The following LARP1B variants were observed in gnomAD, a reference collection of about 807,000 sequenced individuals.
LARP1B encodes la-related protein 1B.
LARP1B carries 76 observed loss-of-function variants against 114.2 expected under a neutral mutation model. The observed-to-expected ratio is 0.67, with a 90% CI of 0.55 to 0.81. LARP1B has a LOEUF of 0.81. Ranked by LOEUF, LARP1B falls within the 30% of genes least tolerant of loss-of-function variation. The pLI, the probability that LARP1B is intolerant of heterozygous loss-of-function variation, is 0.00. For missense variants in LARP1B, 1,014 were observed against 1,075.8 expected (o/e 0.94, Z 0.80); for synonymous variants, 345 against 348.0 (o/e 0.99, Z 0.10).
intron 10 of LARP1B, among the ~76,000 whole-genome samples, chr4:128,119,773 C>T (rs1482780169): frequency 1.3e-5 from 2 of 152,154 alleles, no homozygotes; most frequent in Non-Finnish European, 2.9e-5. Flanking sequence ...TCCCGAAAGT[C>T]ATAAAAGTCT....
At chr4:128,108,542 C>T (rs1156669866) in intron 9 of LARP1B, 3 of 985,512 alleles carry the variant, frequency 3.0e-6, no homozygotes, top group Non-Finnish European at 3.6e-6. Flanking sequence ...GATGGACAGT[C>T]TCACACTATT....
intron 17 of LARP1B, among the ~76,000 whole-genome samples, chr4:128,205,606 G>C (rs111260060): frequency 2.0e-5 from 3 of 152,248 alleles, no homozygotes; most frequent in South Asian, 2.1e-4. Flanking sequence ...ATGAAAGCAG[G>C]GAGGCTCTCT....
intron 5 of LARP1B, among the ~76,000 whole-genome samples, chr4:128,087,439 A>T (rs1353213459): frequency 6.6e-6 from 1 of 152,204 alleles, no homozygotes; most frequent in Admixed American, 6.6e-5. Context: ...TATTTTGATT[A>T]AAAAAATTTC....
At chr4:128,134,309 G>T (rs2150135095) in intron 11 of LARP1B, among the ~76,000 whole-genome samples, 1 of 152,200 alleles carries the variant, frequency 6.6e-6, no homozygotes. Context: ...CTGGGTAAAT[G>T]ATTTTTTTGA....
intron 11 of LARP1B, among the ~76,000 whole-genome samples, chr4:128,160,522 TTGTG>T (rs70966082): frequency 1.3e-4 from 20 of 150,630 alleles, no homozygotes; most frequent in African/African-American, 3.7e-4. Flanking sequence ...TGTACACTTC[TTGTG>T]TGTGTGTGTG....
chr4:128,066,031 C>T (rs1048709975), intron 1 of LARP1B, among the ~76,000 whole-genome samples: 14 of 151,764 alleles, frequency 9.2e-5, no homozygotes, highest in Non-Finnish European at 7.4e-5. Context: ...GAGACAGGGG[C>T]CCCCTTTGTT....
intron 11 of LARP1B, among the ~76,000 whole-genome samples, chr4:128,128,092 T>C (rs1015047663): frequency 6.6e-6 from 1 of 152,260 alleles, no homozygotes; most frequent in African/African-American, 2.4e-5. Context: ...AAGAAGGAAG[T>C]TGGGTCCCTC....
rs74661127 is a variant in LARP1B at position 128,201,310 on chromosome 4, A to G, written c.2309+645A>G. Among the ~76,000 whole-genome samples, 639 of 152,308 alleles carry G rather than the reference A, an allele frequency of 4.2e-3. 6 individuals are homozygous for G. The highest frequency in any genetic ancestry group is 0.015 in the African/African-American group (614 of 41,566). ...CCAAGAGATGGGATCATTAGGAACC[A>G]TCTTAGAGGCTGGCAGAAGGGCTGA... is the stretch of plus-strand genomic sequence containing the variant. On this transcript the variant is annotated intron_variant, in intron 17 of 19. Transcript: ENST00000326639.
chr4:128,165,344 AAAT>A (rs1740325553), intron 12 of LARP1B, among the ~76,000 whole-genome samples: 1 of 151,886 alleles, frequency 6.6e-6, no homozygotes, highest in African/African-American at 2.4e-5. Flanking sequence ...AAAAATATAA[AAAT>A]AAAGCAAAAA....
In LARP1B at chr4:128,210,661, T is replaced by G. The variant is rs191197521; in HGVS notation, c.*608T>G. 5.0e-4 allele frequency: 479 copies of G among 964,802 alleles called. 1 individual carries two copies. The African/African-American group carries it at 7.7e-3, about 16-fold the overall frequency. 59.8% of individuals were successfully genotyped at this position (964,802 alleles called of 1,614,324 possible). A position where few individuals can be genotyped will look rare whatever the true frequency, so the allele number is the denominator to read the frequency against. ...CAAAAGTAGGAATATATAGTAAGAT[T>G]GTAGTTACAATGAGTATATGCACTT... On this transcript the variant is annotated 3_prime_UTR_variant, in exon 20 of 20. Coordinates refer to ENST00000326639, the MANE Select transcript of LARP1B (RefSeq NM_018078.4).
chr4:128,175,192 A>G (rs993455768), intron 12 of LARP1B, among the ~76,000 whole-genome samples: 10 of 152,146 alleles, frequency 6.6e-5, no homozygotes, highest in Non-Finnish European at 1.5e-4. Context: ...AAGTATAAGT[A>G]CAAAGGATTT....
At chr4:128,082,140 C>T (rs201587708) in intron 4 of LARP1B, 25 bp from the exon 5 acceptor site, 676 of 1,602,958 alleles carry the variant, frequency 4.2e-4, no homozygotes, top group Non-Finnish European at 5.3e-4. Flanking sequence ...TACATTTGTC[C>T]TTAAATGATT....
intron 10 of LARP1B, among the ~76,000 whole-genome samples, chr4:128,121,022 G>A (rs896898727): frequency 3.3e-5 from 5 of 151,510 alleles, no homozygotes; most frequent in Admixed American, 6.6e-5. Context: ...TGTTGGCCAG[G>A]CTGGTCTTGA....
At chr4:128,204,932 C>T (rs907228525) in intron 17 of LARP1B, among the ~76,000 whole-genome samples, 3 of 151,770 alleles carry the variant, frequency 2.0e-5, no homozygotes, top group African/African-American at 7.3e-5. Context: ...TTTAAAAGCT[C>T]CCCAGATGAT....
downstream of LARP1B, among the ~76,000 whole-genome samples, chr4:128,216,647 G>T (rs1759498845): frequency 6.7e-6 from 1 of 149,178 alleles, no homozygotes; most frequent in Admixed American, 6.7e-5. Flanking sequence ...TCAAAGCAGT[G>T]TGTAGAGGGA....
intron 11 of LARP1B, chr4:128,155,263 T>C: frequency 2.6e-6 from 1 of 385,968 alleles, no homozygotes; most frequent in Non-Finnish European, 4.7e-6. Context: ...GCTGAAAAAG[T>C]AGGTTTAAAA....
chr4:128,176,283 G>T (rs748270124), intron 12 of LARP1B, among the ~76,000 whole-genome samples: 1 of 111,228 alleles, frequency 9.0e-6, no homozygotes, highest in African/African-American at 4.3e-5. Flanking sequence ...GTGTGTGTGT[G>T]TGTATATATA....
chr4:128,092,097 G>C (rs910380874), intron 7 of LARP1B, among the ~76,000 whole-genome samples: 1 of 152,044 alleles, frequency 6.6e-6, no homozygotes, highest in Non-Finnish European at 1.5e-5. Flanking sequence ...AAATGTTATT[G>C]CATAATATGA....
rs1735446571 is a variant in LARP1B, at chr4:128,156,037, A to T, written c.1525-6157A>T. ...TGTGCTTGAACCTGCGGCACTGCACACCCCCAAGCTCATGACCACACCCTC... is the reference window on the plus strand; with the variant it reads ...TGTGCTTGAACCTGCGGCACTGCACTCCCCCAAGCTCATGACCACACCCTC... On this transcript the variant is annotated intron_variant, in intron 11 of 19. Transcript: ENST00000326639. The T allele has an allele frequency of 4.4e-6, 7 of 1,576,372 alleles. No homozygotes were observed. In the South Asian group the frequency reaches 7.2e-5, roughly 16 times the overall value.
Sources: allele counts gnomAD v4.1 joint callset (sites outside exome capture counted in the v4.1 genomes callset), GRCh38; gene constraint gnomAD v4.1.1; transcripts MANE v1.5; gene names NCBI Gene and HGNC (gene_info 2026-07-23, HGNC 2026-07-21).